The following OLA1 variants were observed in gnomAD, a reference collection of about 807,000 sequenced individuals.
OLA1 encodes obg-like ATPase 1.
A neutral mutation model predicts 48.4 loss-of-function variants in OLA1; 14 were observed. The ratio of observed to expected loss-of-function variants is 0.29; its 90% CI spans 0.19 to 0.45. OLA1 has a LOEUF of 0.45. Among genes scored for constraint, OLA1 ranks in the 20% least tolerant of loss-of-function variants. The probability of loss-of-function intolerance (pLI) is 1.00; values close to 1 mark genes in which losing one functional copy is unlikely to be tolerated. For synonymous variants in OLA1, 127 were observed against 150.4 expected (o/e 0.84, Z 1.14); for missense variants, 325 against 467.1 (o/e 0.70, Z 2.80).
At chr2:174,178,754 T>C (rs1687471313) in intron 4 of OLA1, among the ~76,000 whole-genome samples, 1 of 151,990 alleles carries the variant, frequency 6.6e-6, no homozygotes, top group Non-Finnish European at 1.5e-5. Flanking sequence ...AATTATTTTA[T>C]GTTGTAAAAC....
Position 174,139,753 on chromosome 2 carries a change from C to T in OLA1, c.549+2072G>A, listed in dbSNP as rs151267309. Among the ~76,000 whole-genome samples the T allele has an allele frequency of 8.0e-3, 1,212 of 151,526 alleles. 17 individuals are homozygous for T. The highest frequency in any genetic ancestry group is 0.028 in the African/African-American group (1,142 of 41,320). On this transcript the variant is annotated intron_variant, in intron 5 of 10. Coordinates refer to ENST00000284719, the MANE Select transcript of OLA1 (RefSeq NM_013341.5). ...GGTGGCATGCACCTGTAGTCCCAGC[C>T]ACTCAGGAGGCTGAGGCAGAAGAAT...
At chr2:174,242,102 CCT>C (rs1258728060) in intron 2 of OLA1, among the ~76,000 whole-genome samples, 2 of 152,178 alleles carry the variant, frequency 1.3e-5, no homozygotes, top group African/African-American at 4.8e-5. Context: ...AGTTTGGCCC[CCT>C]GACCCTTCGG....
chr2:174,238,373 A>G (rs1688908901), intron 2 of OLA1, among the ~76,000 whole-genome samples: 1 of 151,884 alleles, frequency 6.6e-6, no homozygotes. Context: ...GCATGCCTAT[A>G]ATCCCTGTTA....
Position 174,080,443 on chromosome 2 carries a change from T to C in OLA1, c.966+709A>G, listed in dbSNP as rs143728936. 4.6e-4 allele frequency among the ~76,000 whole-genome samples: 70 copies of C among 152,258 alleles called. 2 individuals carry two copies. The East Asian group carries it at 0.012, about 25-fold the overall frequency. ...TATATTTCAAAATATTTTTCAATAG[T>C]AACTACTATGTTACAATATATTTAA... On this transcript the variant is annotated intron_variant, in intron 9 of 10. Transcript: ENST00000284719.
intron 7 of OLA1, among the ~76,000 whole-genome samples, chr2:174,086,062 A>G (rs925841957): frequency 2.6e-5 from 4 of 152,034 alleles, no homozygotes; most frequent in African/African-American, 9.7e-5. Flanking sequence ...AGATGTATCT[A>G]TGGGGTAGTC....
At chr2:174,239,705 C>A (rs1392957366) in intron 2 of OLA1, among the ~76,000 whole-genome samples, 2 of 139,808 alleles carry the variant, frequency 1.4e-5, no homozygotes, top group African/African-American at 2.7e-5. Flanking sequence ...TAGTGAGAAC[C>A]CATCTCTACA....
intron 2 of OLA1, among the ~76,000 whole-genome samples, chr2:174,238,314 T>C (rs1188185986): frequency 1.3e-5 from 2 of 151,980 alleles, no homozygotes; most frequent in African/African-American, 4.8e-5. Flanking sequence ...TGGGTCAACA[T>C]GGTGAAATCC....
intron 4 of OLA1, among the ~76,000 whole-genome samples, chr2:174,210,679 T>C (rs920129617): frequency 6.6e-6 from 1 of 152,192 alleles, no homozygotes; most frequent in African/African-American, 2.4e-5. Context: ...TGCTTTTTGC[T>C]AGCAAGTAGA....
intron 4 of OLA1, among the ~76,000 whole-genome samples, chr2:174,151,739 T>C (rs1029252139): frequency 1.8e-4 from 28 of 152,226 alleles, no homozygotes; most frequent in African/African-American, 6.5e-4. Flanking sequence ...TAAACATGCA[T>C]TGGCAATTCA....
chr2:174,184,642 T>C (rs567581536), intron 4 of OLA1, among the ~76,000 whole-genome samples: 112 of 152,342 alleles, frequency 7.4e-4, no homozygotes, highest in Middle Eastern at 3.4e-3. Context: ...ATACCAATGT[T>C]GGTTCCTTAG....
intron 7 of OLA1, among the ~76,000 whole-genome samples, chr2:174,094,247 T>C (rs1685193420): frequency 6.6e-6 from 1 of 152,166 alleles, no homozygotes; most frequent in Admixed American, 6.5e-5. Context: ...AGTGTAAGAC[T>C]CTTACATGGA....
intron 4 of OLA1, among the ~76,000 whole-genome samples, chr2:174,213,011 C>T (rs1329888380): frequency 6.6e-6 from 1 of 152,200 alleles, no homozygotes; most frequent in Non-Finnish European, 1.5e-5. Flanking sequence ...AATAAATCCA[C>T]AGGCAGAAAA....
At chr2:174,177,778 T>C (rs1687451208) in intron 4 of OLA1, among the ~76,000 whole-genome samples, 1 of 151,816 alleles carries the variant, frequency 6.6e-6, no homozygotes, top group Non-Finnish European at 1.5e-5. Flanking sequence ...TAAAATCAAG[T>C]ACATCTGGAT....
At chr2:174,215,055 A>G (rs1320188150) in intron 4 of OLA1, among the ~76,000 whole-genome samples, 1 of 152,120 alleles carries the variant, frequency 6.6e-6, no homozygotes, top group Non-Finnish European at 1.5e-5. Context: ...CTCAAAAAAA[A>G]AAAAAAGAAT....
At position 174,073,632 on chromosome 2, in the gene OLA1, C is replaced by T. The variant is rs1451019493; in HGVS notation, c.*1794G>A. On this transcript the variant is annotated 3_prime_UTR_variant, in exon 11 of 11. Coordinates refer to ENST00000284719, the MANE Select transcript of OLA1 (RefSeq NM_013341.5). ...CTGTTGCACAATGTGCAATTTACCACATTAGAAGCTAGACAAAGTAAAATT... is the reference window on the plus strand; with the variant it reads ...CTGTTGCACAATGTGCAATTTACCATATTAGAAGCTAGACAAAGTAAAATT... The T allele has an allele frequency of 6.6e-6, 1 of 152,216 alleles. No homozygotes were observed. The highest frequency in any genetic ancestry group is 1.5e-5 in the Non-Finnish European group (1 of 68,038). The allele number at this position is 152,216 out of a possible 1,614,324, so 9.4% of individuals were successfully genotyped here.
intron 3 of OLA1, among the ~76,000 whole-genome samples, chr2:174,223,607 G>C (rs1035010737): frequency 6.6e-6 from 1 of 151,860 alleles, no homozygotes; most frequent in African/African-American, 2.4e-5. Context: ...CTATAAGATG[G>C]ATGCTATTTA....
intron 4 of OLA1, among the ~76,000 whole-genome samples, chr2:174,192,996 G>T (rs1398991591): frequency 6.6e-6 from 1 of 151,586 alleles, no homozygotes. Flanking sequence ...TATTTATCCT[G>T]CTTGTTATTC....
intron 4 of OLA1, among the ~76,000 whole-genome samples, chr2:174,199,174 T>C (rs899535840): frequency 2.2e-4 from 33 of 152,200 alleles, no homozygotes; most frequent in African/African-American, 8.0e-4. Flanking sequence ...CTGGCCACTT[T>C]TTTGTAGAAC....
chr2:174,137,527 C>A (rs1167101980), intron 5 of OLA1, among the ~76,000 whole-genome samples: 1 of 152,208 alleles, frequency 6.6e-6, no homozygotes, highest in Non-Finnish European at 1.5e-5. Context: ...CAATTAAAGT[C>A]CTAGATGGCC....
Sources: gnomAD v4.1 joint callset for allele counts (sites outside exome capture counted in the v4.1 genomes callset) on GRCh38, gnomAD v4.1.1 for gene constraint, MANE v1.5 for transcripts, NCBI Gene and HGNC (gene_info 2026-07-23, HGNC 2026-07-21) for gene names.